The following SLCO2B1 variants were observed in gnomAD, a reference collection of about 807,000 sequenced individuals.
The protein encoded by SLCO2B1 is OATP-RP2.
Under a neutral mutation model 67.3 loss-of-function variants are expected in SLCO2B1, and 41 were observed. The observed-to-expected ratio is 0.61, with a 90% CI of 0.47 to 0.79. The LOEUF is 0.79. Among genes scored for constraint, SLCO2B1 ranks in the 30% least tolerant of loss-of-function variants. SLCO2B1 has a pLI of 0.00. For missense variants in SLCO2B1, 837 were observed against 920.1 expected, an observed-to-expected ratio of 0.91 and a Z score of 1.17; for synonymous variants, 379 against 381.4, an observed-to-expected ratio of 0.99 and a Z score of 0.07.
Position 75,164,100 on chromosome 11 carries a change from G to A in SLCO2B1, c.285G>A (p.Glu95=), listed in dbSNP as rs770391109. The A allele has an allele frequency of 1.2e-6, 2 of 1,606,906 alleles. No individual in the cohort carries two copies. The highest frequency in any genetic ancestry group is 1.1e-5 in the South Asian group (1 of 89,582). The part of the protein sequence containing the change: ...QTSGLLASFN[E]VGNTALIVFV... Reference sequence around the variant, plus strand: ...CGGGGCTGCTGGCCTCCTTCAACGAGGTACAGGCCCCACCCAGCCACAGGG... The same window carrying A: ...CGGGGCTGCTGGCCTCCTTCAACGAAGTACAGGCCCCACCCAGCCACAGGG... Residue 95 remains glutamate, a splice_region_variant and synonymous_variant, in exon 3 of 14, where the codon GAG becomes GAA. Transcript: ENST00000289575.
At chr11:75,159,477 C>T (rs759677045) in intron 1 of SLCO2B1, among the ~76,000 whole-genome samples, 2 of 152,222 alleles carry the variant, frequency 1.3e-5, no homozygotes, top group Non-Finnish European at 2.9e-5. Flanking sequence ...TGACAAAGGC[C>T]CCACAGCACA....
At chr11:75,172,630 T>C (rs1949976466) in intron 7 of SLCO2B1, 61 bp downstream of exon 7, 4 of 1,449,306 alleles carry the variant, frequency 2.8e-6, no homozygotes, top group South Asian at 1.2e-5. Context: ...CTTGTTCTCC[T>C]TTGTAACATT....
intron 4 of SLCO2B1, 52 bp from the exon 5 acceptor site, chr11:75,169,121 G>A (rs1949927933): frequency 7.7e-6 from 11 of 1,434,186 alleles, no homozygotes; most frequent in South Asian, 2.5e-5. Flanking sequence ...CGGGGTAAGC[G>A]CTATTTAAGT....
At chr11:75,159,719 G>A (rs1170821963) in intron 1 of SLCO2B1, 2 of 348,022 alleles carry the variant, frequency 5.7e-6, no homozygotes, top group East Asian at 3.3e-4. Flanking sequence ...GAACCCGGAG[G>A]AATGTGGCCA....
At chr11:75,189,309 A>G (rs1198627412) in intron 8 of SLCO2B1, among the ~76,000 whole-genome samples, 1 of 152,226 alleles carries the variant, frequency 6.6e-6, no homozygotes, top group Non-Finnish European at 1.5e-5. Context: ...TGACCAGTGT[A>G]TAATCTTAAA....
intron 3 of SLCO2B1, among the ~76,000 whole-genome samples, chr11:75,164,634 G>A (rs1278590500): frequency 3.3e-5 from 5 of 152,086 alleles, no homozygotes; most frequent in Non-Finnish European, 5.9e-5. Context: ...GAGTCCAGCT[G>A]TGCCCCAGTC....
chr11:75,197,593 G>T (rs1945119092), intron 10 of SLCO2B1, among the ~76,000 whole-genome samples: 1 of 152,224 alleles, frequency 6.6e-6, no homozygotes, highest in Admixed American at 6.5e-5. Context: ...GGGAAGCCAT[G>T]GATGGGTTTT....
intron 7 of SLCO2B1, among the ~76,000 whole-genome samples, chr11:75,177,415 G>A (rs897150839): frequency 2.0e-5 from 3 of 152,140 alleles, no homozygotes; most frequent in Non-Finnish European, 4.4e-5. Flanking sequence ...GGTGTCTAAG[G>A]CATCCTGCAG....
chr11:75,184,622 G>A (rs1355301368), intron 7 of SLCO2B1, among the ~76,000 whole-genome samples: 1 of 152,106 alleles, frequency 6.6e-6, no homozygotes, highest in Non-Finnish European at 1.5e-5. Flanking sequence ...CCCTTACCAT[G>A]CTTGGAGCAG....
At chr11:75,173,780 GAAAAT>G (rs1331424779) in intron 7 of SLCO2B1, among the ~76,000 whole-genome samples, 1 of 152,132 alleles carries the variant, frequency 6.6e-6, no homozygotes, top group Non-Finnish European at 1.5e-5. Context: ...AAATTAAAAA[GAAAAT>G]GACAAAATAG....
At chr11:75,190,353 T>C (rs1944999181) in intron 8 of SLCO2B1, among the ~76,000 whole-genome samples, 1 of 152,168 alleles carries the variant, frequency 6.6e-6, no homozygotes, top group African/African-American at 2.4e-5. Flanking sequence ...AGTCTAACTC[T>C]AGGGCCTGGC....
intron 12 of SLCO2B1, 42 bp downstream of exon 12, chr11:75,203,007 C>T: frequency 6.5e-7 from 1 of 1,540,808 alleles, no homozygotes; most frequent in South Asian, 1.1e-5. Flanking sequence ...GTGATGGGGT[C>T]CAGATGCCCA....
intron 1 of SLCO2B1, among the ~76,000 whole-genome samples, chr11:75,156,539 C>T (rs1486405300): frequency 6.6e-6 from 1 of 152,076 alleles, no homozygotes; most frequent in African/African-American, 2.4e-5. Flanking sequence ...GAGGTGTCTG[C>T]CATTATCATG....
intron 9 of SLCO2B1, among the ~76,000 whole-genome samples, chr11:75,194,595 A>G (rs1392388791): frequency 2.0e-5 from 3 of 150,222 alleles, no homozygotes; most frequent in African/African-American, 7.4e-5. Context: ...TTTCCCACAT[A>G]GGGAGGCAAC....
At position 75,196,658 on chromosome 11, in the gene SLCO2B1, G is replaced by A; in HGVS notation, c.1578G>A (p.Gln526=). The change falls in exon 10 of 14, where the codon CAG becomes CAA. Residue 526 remains glutamine (Q), a synonymous_variant. Transcript: ENST00000289575. ...CAGGCTGCTCAAGCTGGGTGGTCCA[G>A]GATGCTCTGGACAACAGCCAGGTGA... is the stretch of plus-strand genomic sequence containing the variant. ...CHAGCSSWVV[Q]DALDNSQVFY... is the part of the protein sequence containing the mutation. 6.2e-7 allele frequency: 1 copy of A among 1,613,678 alleles called. No homozygotes were observed. The highest frequency in any genetic ancestry group is 8.5e-7 in the Non-Finnish European group (1 of 1,179,880).
At chr11:75,176,854 C>A (rs1030081817) in intron 7 of SLCO2B1, among the ~76,000 whole-genome samples, 2 of 152,256 alleles carry the variant, frequency 1.3e-5, no homozygotes, top group African/African-American at 4.8e-5. Context: ...GCAGGCACAG[C>A]GTCTAGACCC....
At chr11:75,170,702 C>T (rs1949948342) in intron 6 of SLCO2B1, among the ~76,000 whole-genome samples, 1 of 152,176 alleles carries the variant, frequency 6.6e-6, no homozygotes, top group South Asian at 2.1e-4. Flanking sequence ...TGAACAGCAG[C>T]CACCAGGGAC....
chr11:75,181,627 C>T (rs1283839063), intron 7 of SLCO2B1, among the ~76,000 whole-genome samples: 1 of 152,128 alleles, frequency 6.6e-6, no homozygotes, highest in African/African-American at 2.4e-5. Flanking sequence ...TTAATAGGAA[C>T]TTAGTTCTCA....
At chr11:75,198,134 T>G (rs1354143980) in intron 10 of SLCO2B1, among the ~76,000 whole-genome samples, 1 of 152,164 alleles carries the variant, frequency 6.6e-6, no homozygotes, top group Non-Finnish European at 1.5e-5. Context: ...TGGTGCATAG[T>G]CCTTCAGAAG....
Sources: allele counts gnomAD v4.1 joint callset (sites outside exome capture counted in the v4.1 genomes callset), GRCh38; gene constraint gnomAD v4.1.1; transcripts MANE v1.5; gene names NCBI Gene and HGNC (gene_info 2026-07-23, HGNC 2026-07-21).